The following ABHD13 variants were observed in gnomAD, a reference collection of about 807,000 sequenced individuals.
ABHD13 encodes protein ABHD13.
Under a neutral mutation model 25.2 loss-of-function variants are expected in ABHD13, and 7 were observed. The observed-to-expected ratio is 0.28, with a 90% confidence interval of 0.16 to 0.52. The LOEUF (loss-of-function observed/expected upper bound fraction) is 0.52, where lower values mean the gene tolerates loss of function less well. ABHD13 is among the 20% of genes least tolerant of loss of function. The pLI, the probability that ABHD13 is intolerant of heterozygous loss-of-function variation, is 0.96. For missense variants in ABHD13, 302 were observed against 402.7 expected, an observed-to-expected ratio of 0.75 and a Z score of 2.14; for synonymous variants, 133 against 136.1, an observed-to-expected ratio of 0.98 and a Z score of 0.16.
chr13:108,221,569 T>C (rs1879568975), intron 1 of ABHD13, among the ~76,000 whole-genome samples: 1 of 151,956 alleles, frequency 6.6e-6, no homozygotes, highest in South Asian at 2.1e-4. Context: ...AACCTGCACA[T>C]TTTTTTTAAA....
chr13:108,232,295 C>A lies in ABHD13; in HGVS notation c.*2063C>A, dbSNP rs941299728. On this transcript the variant is annotated 3_prime_UTR_variant, in exon 2 of 2. Transcript: ENST00000375898. ...CTTTTAAAATTTTAAGCCAGGACTT[C>A]AAAAATTGTAGAGTACTTGTTTGGC... The A allele has an allele frequency of 6.6e-5, 11 of 166,850 alleles. No homozygotes were observed. Among genetic ancestry groups the A allele is most frequent in the Non-Finnish European group, 1.5e-4 (10 of 67,994 alleles). 10.3% of individuals were successfully genotyped at this position (166,850 alleles called of 1,614,324 possible). A position where few individuals can be genotyped will look rare whatever the true frequency, so the allele number is the denominator to read the frequency against.
chr13:108,225,269 G>A (rs1027149546), intron 1 of ABHD13, among the ~76,000 whole-genome samples: 1 of 152,144 alleles, frequency 6.6e-6, no homozygotes, highest in African/African-American at 2.4e-5. Flanking sequence ...AGGTACGTGA[G>A]GAACAGGTAA....
At chr13:108,228,965 A>T (rs984789042) in intron 1 of ABHD13, among the ~76,000 whole-genome samples, 2 of 151,958 alleles carry the variant, frequency 1.3e-5, no homozygotes, top group Non-Finnish European at 2.9e-5. Flanking sequence ...AAAATGAGTT[A>T]ATTTGAAGAA....
At chr13:108,226,195 T>C (rs1175445944) in intron 1 of ABHD13, among the ~76,000 whole-genome samples, 1 of 152,158 alleles carries the variant, frequency 6.6e-6, no homozygotes, top group Non-Finnish European at 1.5e-5. Context: ...TTAGGTATAT[T>C]GTTCCAGATG....
At position 108,231,816 on chromosome 13, in the gene ABHD13, A is replaced by G. The variant is rs1262753890; in HGVS notation, c.*1584A>G. On this transcript the variant is annotated 3_prime_UTR_variant, in exon 2 of 2. Transcript: ENST00000375898. ...GCCAAATAGCATTCTTATTCACTTTATGCCGGTATTTAGAAAAAATAAATT... is the reference window on the plus strand; with the variant it reads ...GCCAAATAGCATTCTTATTCACTTTGTGCCGGTATTTAGAAAAAATAAATT... 1.2e-5 allele frequency: 2 copies of G among 166,768 alleles called. No individual in the cohort carries two copies. The highest frequency in any genetic ancestry group is 4.8e-5 in the African/African-American group (2 of 41,440). The allele number at this position is 166,768 out of a possible 1,614,324, so 10.3% of individuals were successfully genotyped here. A position where few individuals can be genotyped will look rare whatever the true frequency, so the allele number is the denominator to read the frequency against.
rs1431193790 is a variant in ABHD13 at position 108,232,065 on chromosome 13, G to T, written c.*1833G>T. On this transcript the variant is annotated 3_prime_UTR_variant, in exon 2 of 2. Transcript: ENST00000375898. ...CAACAAAATGTATATTTAGACACGA[G>T]CTTACATGGCATACCTTATATTTGT... 1 of 166,226 alleles carries T rather than the reference G, an allele frequency of 6.0e-6. No individual in the cohort carries two copies. Among genetic ancestry groups the T allele is most frequent in the African/African-American group, 2.4e-5 (1 of 41,332 alleles). The allele number at this position is 166,226 out of a possible 1,614,324, so 10.3% of individuals were successfully genotyped here.
chr13:108,227,967 AAATC>A (rs1377701140), intron 1 of ABHD13, among the ~76,000 whole-genome samples: 1 of 152,098 alleles, frequency 6.6e-6, no homozygotes, highest in East Asian at 1.9e-4. Context: ...TAATAGAAAA[AAATC>A]AAATTTGTTA....
At position 108,233,678 on chromosome 13, in the gene ABHD13, TG is replaced by T. The variant is rs1281297895; in HGVS notation, c.*3447del. On this transcript the variant is annotated 3_prime_UTR_variant, in exon 2 of 2. Transcript: ENST00000375898. ...TAAATTGATAGGGTAGAAAATGAAA[TG>T]TACTTCTGTTTATTCTTAATACTAT... 6.0e-6 allele frequency: 1 copy of T among 166,598 alleles called. No homozygotes were observed. Among genetic ancestry groups the T allele is most frequent in the African/African-American group, 2.4e-5 (1 of 41,416 alleles). The allele number at this position is 166,598 out of a possible 1,614,324, so 10.3% of individuals were successfully genotyped here. A position where few individuals can be genotyped will look rare whatever the true frequency, so the allele number is the denominator to read the frequency against.
chr13:108,224,764 A>G (rs1879639313), intron 1 of ABHD13, among the ~76,000 whole-genome samples: 1 of 152,220 alleles, frequency 6.6e-6, no homozygotes, highest in Non-Finnish European at 1.5e-5. Context: ...AGTAGGGAGC[A>G]CTAGAGGTGA....
rs1047057914 is a variant in ABHD13, at chr13:108,230,843, T to C, written c.*611T>C. 4 of 166,894 alleles carry C rather than the reference T, an allele frequency of 2.4e-5. No individual in the cohort carries two copies. Among genetic ancestry groups the C allele is most frequent in the African/African-American group, 7.2e-5 (3 of 41,450 alleles). 10.3% of individuals were successfully genotyped at this position (166,894 alleles called of 1,614,324 possible). On this transcript the variant is annotated 3_prime_UTR_variant, in exon 2 of 2. Coordinates refer to ENST00000375898, the MANE Select transcript of ABHD13 (RefSeq NM_032859.3). ...TTGAGACTTATGTGCAGGTTGCCAT[T>C]GAATTTTGCTCTGGTGAATGCTGAG...
intron 1 of ABHD13, among the ~76,000 whole-genome samples, chr13:108,225,215 G>C (rs1018472901): frequency 2.0e-5 from 3 of 152,164 alleles, no homozygotes; most frequent in African/African-American, 7.2e-5. Flanking sequence ...AAGGGAGCAG[G>C]ATGTGTTTAG....
chr13:108,221,568 A>G (rs181931909), intron 1 of ABHD13, among the ~76,000 whole-genome samples: 139 of 151,552 alleles, frequency 9.2e-4, no homozygotes, highest in Admixed American at 3.9e-3. Context: ...GAACCTGCAC[A>G]TTTTTTTTAA....
chr13:108,223,696 A>G (rs1222290856), intron 1 of ABHD13, among the ~76,000 whole-genome samples: 2 of 152,184 alleles, frequency 1.3e-5, no homozygotes, highest in Non-Finnish European at 2.9e-5. Context: ...AAAGTAAATG[A>G]TATTTTAGTA....
chr13:108,230,273 C>T lies in ABHD13; in HGVS notation c.*41C>T, dbSNP rs950630614. 1.4e-6 allele frequency: 2 copies of T among 1,449,758 alleles called. No homozygotes were observed. Among genetic ancestry groups the T allele is most frequent in the African/African-American group, 2.9e-5 (2 of 70,038 alleles). 89.8% of individuals were successfully genotyped at this position (1,449,758 alleles called of 1,614,324 possible). A position where few individuals can be genotyped will look rare whatever the true frequency, so the allele number is the denominator to read the frequency against. ...TTATTGCATTGTATTTTAATTTGTG[C>T]AGAATGATAAAGAATGTTCCTTTTA... On this transcript the variant is annotated 3_prime_UTR_variant, in exon 2 of 2. Transcript: ENST00000375898.
intron 1 of ABHD13, among the ~76,000 whole-genome samples, chr13:108,219,483 T>C (rs1879497372): frequency 6.6e-6 from 1 of 152,204 alleles, no homozygotes; most frequent in South Asian, 2.1e-4. Context: ...GATCAATACT[T>C]ATTTGTATGC....
At chr13:108,225,775 CAAT>C (rs1287945384) in intron 1 of ABHD13, among the ~76,000 whole-genome samples, 4 of 152,160 alleles carry the variant, frequency 2.6e-5, no homozygotes, top group Non-Finnish European at 5.9e-5. Context: ...AAAATACATA[CAAT>C]AATGATGTAA....
At chr13:108,228,558 GA>G (rs1390973787) in intron 1 of ABHD13, among the ~76,000 whole-genome samples, 31 of 151,800 alleles carry the variant, frequency 2.0e-4, no homozygotes, top group Admixed American at 1.1e-3. Flanking sequence ...CTTCGAGGTA[GA>G]GGGGGGATAC....
intron 1 of ABHD13, among the ~76,000 whole-genome samples, chr13:108,224,668 A>G (rs1011885296): frequency 2.0e-5 from 3 of 152,166 alleles, no homozygotes; most frequent in African/African-American, 7.2e-5. Flanking sequence ...AGGTGGTCTG[A>G]GAGCTTTACA....
At chr13:108,225,635 G>A (rs764532992) in intron 1 of ABHD13, among the ~76,000 whole-genome samples, 1 of 152,104 alleles carries the variant, frequency 6.6e-6, no homozygotes, top group African/African-American at 2.4e-5. Flanking sequence ...AGTTACTGGC[G>A]GTGGTTAAAA....
Sources: gnomAD v4.1 joint callset for allele counts (sites outside exome capture counted in the v4.1 genomes callset) on GRCh38, gnomAD v4.1.1 for gene constraint, MANE v1.5 for transcripts, NCBI Gene and HGNC (gene_info 2026-07-23, HGNC 2026-07-21) for gene names.